Variants in UGT1A10 observed in about 807,000 individuals in gnomAD.
UGT1A10 encodes the protein UDP-glucuronosyltransferase 1A10.
A neutral mutation model predicts 45.8 loss-of-function variants in UGT1A10; 49 were observed. The ratio of observed to expected loss-of-function variants is 1.07; its 90% CI spans 0.85 to 1.36. The LOEUF is 1.36. Among genes scored for constraint, UGT1A10 ranks in the 40% most tolerant of loss-of-function variants. The pLI is 0.00. For synonymous variants in UGT1A10, 284 were observed against 249.7 expected, an observed-to-expected ratio of 1.14 and a Z score of -1.29; for missense variants, 745 against 668.6, an observed-to-expected ratio of 1.11 and a Z score of -1.26.
Position 233,767,861 on chromosome 2 carries a change from T to C in UGT1A10, c.1000T>C (p.Tyr334His). The C allele has an allele frequency of 1.9e-6, 3 of 1,614,194 alleles. No homozygotes were observed. In the South Asian group the frequency reaches 3.3e-5, roughly 18 times the overall value. ...TTGCCCCTCCCAGGTCCTGTGGCGG[T>C]ACACTGGAACCCGACCATCGAATCT... is the stretch of plus-strand genomic sequence containing the variant. ...GKIPQTVLWR[Y>H]TGTRPSNLAN... The change falls in exon 3 of 5, where the codon TAC becomes CAC. Residue 334 changes from tyrosine to histidine, a missense_variant. Transcript: ENST00000344644.
At chr2:233,649,184 G>T (rs1218690125) in intron 1 of UGT1A10, among the ~76,000 whole-genome samples, 1 of 152,194 alleles carries the variant, frequency 6.6e-6, no homozygotes, top group Non-Finnish European at 1.5e-5. Flanking sequence ...TTGTTGGTTA[G>T]CAACTTTTAT....
chr2:233,668,367 G>A (rs28970003), intron 1 of UGT1A10, among the ~76,000 whole-genome samples: 4,634 of 152,136 alleles, frequency 0.03, 221 homozygotes, highest in African/African-American at 0.1. Flanking sequence ...CATCCATGTC[G>A]CTACAAAGGA....
intron 1 of UGT1A10, among the ~76,000 whole-genome samples, chr2:233,663,424 C>T (rs1402453545): frequency 6.6e-6 from 1 of 151,974 alleles, no homozygotes; most frequent in Non-Finnish European, 1.5e-5. Flanking sequence ...TCTTCTTGCA[C>T]TGAATCAGTT....
intron 1 of UGT1A10, among the ~76,000 whole-genome samples, chr2:233,689,357 T>A (rs2125542122): frequency 6.6e-6 from 1 of 152,374 alleles, no homozygotes; most frequent in South Asian, 2.1e-4. Context: ...AAGGCATTTA[T>A]GTGCAGGGCA....
In UGT1A10 at chr2:233,769,479, G is replaced by A; in HGVS notation, c.1295+1040G>A. The A allele has an allele frequency of 6.2e-7, 1 of 1,611,314 alleles. No homozygotes were observed. The highest frequency in any genetic ancestry group is 8.5e-7 in the Non-Finnish European group (1 of 1,178,748). ...CATTCATATGCGTGTGTGTGTGTGT[G>A]CGTGTGTTTATGAGAGTGTCCATTG... is the stretch of plus-strand genomic sequence containing the variant. On this transcript the variant is annotated intron_variant, in intron 4 of 4. Coordinates refer to ENST00000344644, the MANE Select transcript of UGT1A10 (RefSeq NM_019075.4). This position sits in a 1 kb window ranked among gnomAD's most constrained non-coding sequence, Gnocchi z 4.4.
At chr2:233,719,370 G>A (rs1322563155) in intron 1 of UGT1A10, 5 of 1,613,830 alleles carry the variant, frequency 3.1e-6, no homozygotes, top group Non-Finnish European at 3.4e-6. Flanking sequence ...AGACTTTAAG[G>A]GCACACAGTG....
intron 1 of UGT1A10, among the ~76,000 whole-genome samples, chr2:233,700,874 C>T (rs1245248063): frequency 1.3e-5 from 2 of 151,768 alleles, no homozygotes; most frequent in African/African-American, 4.8e-5. Flanking sequence ...CCTCCCTCCT[C>T]CCCCCACCCC....
chr2:233,769,689 T>C lies in UGT1A10; in HGVS notation c.1295+1250T>C. On this transcript the variant is annotated intron_variant, in intron 4 of 4. Transcript: ENST00000344644. This position sits in a 1 kb window ranked among gnomAD's most constrained non-coding sequence, Gnocchi z 4.4. ...GGTGCTAATGTGTGTGTGGTGGCAC[T>C]GGATAAAAGATCAATGTTGGCTAGG... 6.5e-7 allele frequency: 1 copy of C among 1,550,140 alleles called. No homozygotes were observed. Among genetic ancestry groups the C allele is most frequent in the Non-Finnish European group, 8.7e-7 (1 of 1,147,494 alleles).
intron 1 of UGT1A10, chr2:233,690,016 C>A: frequency 2.3e-6 from 1 of 440,340 alleles, no homozygotes; most frequent in Admixed American, 2.6e-5. Context: ...CCATTTTGGA[C>A]CTTCCTCAAG....
At chr2:233,648,529 C>T (rs188354588) in intron 1 of UGT1A10, 48 of 163,950 alleles carry the variant, frequency 2.9e-4, no homozygotes, top group East Asian at 2.3e-3. Flanking sequence ...GGCGTGATCT[C>T]GGCTCACTGC....
At chr2:233,761,712 C>G (rs1355356029) in intron 1 of UGT1A10, among the ~76,000 whole-genome samples, 1 of 152,230 alleles carries the variant, frequency 6.6e-6, no homozygotes, top group Non-Finnish European at 1.5e-5. Context: ...GTTTCATTCT[C>G]AAGCTATTAG....
At chr2:233,722,817 G>C (rs1300822952) in intron 1 of UGT1A10, among the ~76,000 whole-genome samples, 1 of 147,336 alleles carries the variant, frequency 6.8e-6, no homozygotes, top group Admixed American at 6.7e-5. Flanking sequence ...ATTTTTTCAA[G>C]TTATTTTGTA....
intron 1 of UGT1A10, among the ~76,000 whole-genome samples, chr2:233,716,440 T>G (rs1338804763): frequency 6.6e-6 from 1 of 152,154 alleles, no homozygotes. Flanking sequence ...AGGTTTTCCT[T>G]CATTTGGCCA....
In UGT1A10 at chr2:233,769,485, G is replaced by A; in HGVS notation, c.1295+1046G>A. On this transcript the variant is annotated intron_variant, in intron 4 of 4. Coordinates refer to ENST00000344644, the MANE Select transcript of UGT1A10 (RefSeq NM_019075.4). This position sits in a 1 kb window ranked among gnomAD's most constrained non-coding sequence, Gnocchi z 4.4. ...TATGCGTGTGTGTGTGTGTGCGTGTGTTTATGAGAGTGTCCATTGCTTTCT... is the reference window on the plus strand; with the variant it reads ...TATGCGTGTGTGTGTGTGTGCGTGTATTTATGAGAGTGTCCATTGCTTTCT... 6.2e-7 allele frequency: 1 copy of A among 1,612,612 alleles called. No individual in the cohort carries two copies. Among genetic ancestry groups the A allele is most frequent in the Non-Finnish European group, 8.5e-7 (1 of 1,179,716 alleles).
chr2:233,718,782 C>A (rs199517966), intron 1 of UGT1A10: 2 of 1,612,936 alleles, frequency 1.2e-6, no homozygotes, highest in East Asian at 2.2e-5. Flanking sequence ...GCAGGCACAG[C>A]GTGGGGTGGA....
At chr2:233,670,418 C>G (rs1352140394) in intron 1 of UGT1A10, among the ~76,000 whole-genome samples, 4 of 152,230 alleles carry the variant, frequency 2.6e-5, no homozygotes, top group Middle Eastern at 3.2e-3. Flanking sequence ...TTTTACAGTA[C>G]TAGTCCTTCT....
intron 1 of UGT1A10, among the ~76,000 whole-genome samples, chr2:233,673,716 A>G (rs555278299): frequency 1.3e-5 from 2 of 152,302 alleles, no homozygotes; most frequent in South Asian, 2.1e-4. Context: ...TATTGGGTAC[A>G]GGACAATTTT....
chr2:233,749,787 A>C (rs1694273187), intron 1 of UGT1A10, among the ~76,000 whole-genome samples: 1 of 151,760 alleles, frequency 6.6e-6, no homozygotes, highest in African/African-American at 2.4e-5. Context: ...ATAAGGGGCC[A>C]TTGTCCCTTC....
At chr2:233,663,310 GC>G (rs1470578320) in intron 1 of UGT1A10, among the ~76,000 whole-genome samples, 4 of 152,192 alleles carry the variant, frequency 2.6e-5, no homozygotes, top group African/African-American at 9.7e-5. Context: ...GTCTCCCCAA[GC>G]AATTTGGGGA....
Sources: gnomAD v4.1 joint callset for allele counts (sites outside exome capture counted in the v4.1 genomes callset) on GRCh38, gnomAD v4.1.1 for gene constraint, Gnocchi (gnomAD v3.1) non-coding constraint, MANE v1.5 for transcripts, NCBI Gene and HGNC (gene_info 2026-07-23, HGNC 2026-07-21) for gene names.